The following ARK2N variants were observed in gnomAD, a reference collection of about 807,000 sequenced individuals.
The protein encoded by ARK2N is protein ARK2N.
chr18:46,248,550 G>A, the ARK2N span, among the ~76,000 whole-genome samples: 2 of 152,032 alleles, frequency 1.3e-5, no homozygotes, highest in African/African-American at 2.4e-5. Context: ...CCTTTTCCAC[G>A]TAGGCTTTTC....
chr18:46,263,165 A>G, the ARK2N span: 36 of 1,498,068 alleles, frequency 2.4e-5, no homozygotes, highest in African/African-American at 4.4e-4. Flanking sequence ...CCACTTCCTC[A>G]TCCTCTTTGT....
chr18:46,203,675 C>T, the ARK2N span, among the ~76,000 whole-genome samples: 2 of 152,038 alleles, frequency 1.3e-5, no homozygotes, highest in African/African-American at 4.8e-5. Context: ...TCAGCCTCTG[C>T]CTCCCAGGTT....
chr18:46,193,609 T>G, the ARK2N span, among the ~76,000 whole-genome samples: 1 of 144,556 alleles, frequency 6.9e-6, no homozygotes, highest in African/African-American at 2.6e-5. Context: ...TTTTTTTTTT[T>G]TTTTTTAATG....
the ARK2N span, among the ~76,000 whole-genome samples, chr18:46,208,356 G>T: frequency 6.6e-6 from 1 of 151,532 alleles, no homozygotes; most frequent in Non-Finnish European, 1.5e-5. Context: ...TTAGAATGAT[G>T]CCTTTTTTCG....
the ARK2N span, chr18:46,265,513 C>T: frequency 6.6e-6 from 1 of 152,272 alleles, no homozygotes; most frequent in Non-Finnish European, 1.5e-5. Context: ...TTTTGCCTCA[C>T]TTATTCCTAG....
chr18:46,202,174 A>G, the ARK2N span, among the ~76,000 whole-genome samples: 1 of 152,154 alleles, frequency 6.6e-6, no homozygotes, highest in Non-Finnish European at 1.5e-5. Context: ...TAGTATTTCT[A>G]GGTTGTTTTA....
chr18:46,263,901 T>G, the ARK2N span: 1 of 152,644 alleles, frequency 6.6e-6, no homozygotes, highest in Non-Finnish European at 1.5e-5. Flanking sequence ...GGGAAAAATC[T>G]CTCTCCCTCG....
chr18:46,204,355 C>CTTTTTTCT, the ARK2N span, among the ~76,000 whole-genome samples: 6,980 of 152,110 alleles, frequency 0.046, 392 homozygotes, highest in African/African-American at 0.12. Flanking sequence ...GTTAGGCTTT[C>CTTTTTTCT]TTTTTTCTTT....
At chr18:46,216,190 G>A in the ARK2N span, 1 of 1,613,904 alleles carries the variant, frequency 6.2e-7, no homozygotes, top group Non-Finnish European at 8.5e-7. This position sits in a 1 kb window ranked among gnomAD's most constrained non-coding sequence, Gnocchi z 4.3. Flanking sequence ...TGGTCACCTG[G>A]CTGATTCAGA....
At chr18:46,187,445 A>G in the ARK2N span, among the ~76,000 whole-genome samples, 117 of 150,902 alleles carry the variant, frequency 7.8e-4, no homozygotes, top group Non-Finnish European at 5.8e-4. Flanking sequence ...GGGTTCAAGC[A>G]ATTCTCCTGC....
At chr18:46,210,719 G>C in the ARK2N span, among the ~76,000 whole-genome samples, 2 of 152,168 alleles carry the variant, frequency 1.3e-5, no homozygotes, top group South Asian at 4.2e-4. Flanking sequence ...TAACCAGCCT[G>C]GGCAACATGG....
the ARK2N span, among the ~76,000 whole-genome samples, chr18:46,190,502 A>C: frequency 1.3e-5 from 2 of 151,774 alleles, no homozygotes; most frequent in African/African-American, 4.8e-5. Flanking sequence ...GCCCCCCGAA[A>C]AAAAAAAACA....
chr18:46,215,797 G>GT, the ARK2N span: 1 of 1,287,700 alleles, frequency 7.8e-7, no homozygotes, highest in African/African-American at 1.5e-5. Flanking sequence ...TTGACTTTGT[G>GT]TGTTTTTGTA....
At chr18:46,249,330 C>T in the ARK2N span, among the ~76,000 whole-genome samples, 3 of 151,878 alleles carry the variant, frequency 2.0e-5, no homozygotes, top group Non-Finnish European at 2.9e-5. Flanking sequence ...CCCAGGTTCA[C>T]GCCATTCTCC....
At chr18:46,265,307 C>G in the ARK2N span, 1 of 152,644 alleles carries the variant, frequency 6.6e-6, no homozygotes. Context: ...TTTGCATGAC[C>G]TGTTCTTATG....
chr18:46,182,245 G>T, the ARK2N span, among the ~76,000 whole-genome samples: 2,647 of 152,274 alleles, frequency 0.017, 71 homozygotes, highest in African/African-American at 0.06. Flanking sequence ...CAACAGTTTA[G>T]TGTCAAGGGT....
At chr18:46,196,655 G>C in the ARK2N span, among the ~76,000 whole-genome samples, 1 of 152,148 alleles carries the variant, frequency 6.6e-6, no homozygotes, top group African/African-American at 2.4e-5. Context: ...AAAATTTAGT[G>C]GGGTGATATT....
chr18:46,200,398 T>C, the ARK2N span, among the ~76,000 whole-genome samples: 1 of 151,906 alleles, frequency 6.6e-6, no homozygotes, highest in African/African-American at 2.4e-5. Context: ...ACCTCTGCCT[T>C]CCGGGTTCAA....
At chr18:46,177,763 G>A in the ARK2N span, among the ~76,000 whole-genome samples, 1 of 152,034 alleles carries the variant, frequency 6.6e-6, no homozygotes, top group African/African-American at 2.4e-5. Context: ...TAAAAACTTA[G>A]CTGGGTGGGG....
Sources: gnomAD v4.1 joint callset for allele counts (sites outside exome capture counted in the v4.1 genomes callset) on GRCh38, gnomAD v4.1.1 for gene constraint, Gnocchi (gnomAD v3.1) non-coding constraint, MANE v1.5 for transcripts, NCBI Gene and HGNC (gene_info 2026-07-23, HGNC 2026-07-21) for gene names.